The following RBMS3 variants were observed in gnomAD, a reference collection of about 807,000 sequenced individuals.
The protein encoded by RBMS3 is RNA binding motif single stranded interacting protein 3.
In RBMS3, 27 loss-of-function variants were observed where a neutral mutation model predicts 66.8. That is an observed-to-expected ratio of 0.40 (90% CI 0.30 to 0.56). The LOEUF (loss-of-function observed/expected upper bound fraction) is 0.56, where lower values mean the gene tolerates loss of function less well. Among genes scored for constraint, RBMS3 ranks in the 20% least tolerant of loss-of-function variants. The pLI, the probability that RBMS3 is intolerant of heterozygous loss-of-function variation, is 0.40. For synonymous variants in RBMS3, 188 were observed against 183.0 expected (o/e 1.03, Z -0.22); for missense variants, 513 against 549.5 (o/e 0.93, Z 0.66).
At chr3:29,984,169 A>G (rs921203525) in intron 12 of RBMS3, among the ~76,000 whole-genome samples, 1 of 151,468 alleles carries the variant, frequency 6.6e-6, no homozygotes, top group African/African-American at 2.4e-5. Flanking sequence ...TTGATCTTCA[A>G]TCTCTCATAT....
At chr3:29,852,113 C>G (rs970594956) in intron 6 of RBMS3, among the ~76,000 whole-genome samples, 1 of 152,116 alleles carries the variant, frequency 6.6e-6, no homozygotes, top group South Asian at 2.1e-4. Flanking sequence ...GTTTTGATAA[C>G]TAGCTTAGCC....
At chr3:29,476,885 T>C (rs2042967187) in intron 2 of RBMS3, among the ~76,000 whole-genome samples, 1 of 152,202 alleles carries the variant, frequency 6.6e-6, no homozygotes, top group Non-Finnish European at 1.5e-5. Flanking sequence ...GAAATGCAAT[T>C]TGAGTGTTAC....
At chr3:29,522,784 A>G (rs1425610922) in intron 3 of RBMS3, among the ~76,000 whole-genome samples, 1 of 152,114 alleles carries the variant, frequency 6.6e-6, no homozygotes, top group Non-Finnish European at 1.5e-5. Flanking sequence ...AGGAGTCTGG[A>G]AAAGGTAGAT....
chr3:29,649,366 C>T (rs2050062102), intron 4 of RBMS3, among the ~76,000 whole-genome samples: 1 of 152,184 alleles, frequency 6.6e-6, no homozygotes, highest in Non-Finnish European at 1.5e-5. Context: ...TTTATCATCA[C>T]ATTTCAGGCT....
intron 1 of RBMS3, among the ~76,000 whole-genome samples, chr3:29,364,823 T>A (rs2037806255): frequency 6.6e-6 from 1 of 152,150 alleles, no homozygotes; most frequent in Non-Finnish European, 1.5e-5. Context: ...CTTTTCCATT[T>A]TCTTATAGCT....
intron 4 of RBMS3, among the ~76,000 whole-genome samples, chr3:29,589,283 A>G (rs2047643130): frequency 6.6e-6 from 1 of 151,736 alleles, no homozygotes; most frequent in Non-Finnish European, 1.5e-5. Context: ...CTGATATCTC[A>G]CCTAGTCAGA....
intron 3 of RBMS3, among the ~76,000 whole-genome samples, chr3:29,516,856 G>A (rs2044646651): frequency 6.6e-6 from 1 of 152,148 alleles, no homozygotes; most frequent in Admixed American, 6.5e-5. Context: ...GAAAGGAGAT[G>A]TTGAGTTAGC....
chr3:29,420,928 C>G (rs1327731498), intron 1 of RBMS3, among the ~76,000 whole-genome samples: 1 of 147,670 alleles, frequency 6.8e-6, no homozygotes, highest in African/African-American at 2.6e-5. Flanking sequence ...CACGGTGAAA[C>G]CCCGTCTCTA....
At chr3:29,949,296 T>G (rs1172167464) in intron 12 of RBMS3, among the ~76,000 whole-genome samples, 1 of 151,698 alleles carries the variant, frequency 6.6e-6, no homozygotes, top group Non-Finnish European at 1.5e-5. Context: ...AAGTTCCAGA[T>G]AGTAAATATT....
intron 2 of RBMS3, among the ~76,000 whole-genome samples, chr3:29,479,554 G>C (rs201647193): frequency 0.072 from 10,933 of 151,858 alleles, 467 homozygotes; most frequent in East Asian, 0.16. Context: ...TAAAGTACTG[G>C]GTGCTTTCAT....
At chr3:29,524,433 T>C (rs2044996531) in intron 3 of RBMS3, among the ~76,000 whole-genome samples, 1 of 138,926 alleles carries the variant, frequency 7.2e-6, no homozygotes, top group East Asian at 2.2e-4. Flanking sequence ...TTTTTTTTTT[T>C]TTTTTTTTTT....
At chr3:29,891,704 A>G (rs1043181282) in intron 8 of RBMS3, among the ~76,000 whole-genome samples, 4 of 151,540 alleles carry the variant, frequency 2.6e-5, no homozygotes, top group African/African-American at 9.7e-5. Context: ...GGAGACGTGA[A>G]AAAGAATGTT....
At chr3:29,483,577 G>A (rs1561375) in intron 2 of RBMS3, among the ~76,000 whole-genome samples, 104,404 of 151,906 alleles carry the variant, frequency 0.69, 36,302 homozygotes, top group African/African-American at 0.77. Flanking sequence ...TCTGCTGCCC[G>A]TTAAACATGG....
At chr3:29,797,675 T>C (rs1341901929) in intron 6 of RBMS3, 1 of 152,180 alleles carries the variant, frequency 6.6e-6, no homozygotes, top group African/African-American at 2.4e-5. Context: ...GGGAAGTGTA[T>C]ATTTAAAGCT....
Position 29,490,161 on chromosome 3 carries a change from A to T in RBMS3, c.307+1662A>T, listed in dbSNP as rs1559405907. Reference sequence around the variant, plus strand: ...TAAATTTAAAATTTAATTTAAAATTAAATTTAATTTAAAATTAAAATTTAA... The same window carrying T: ...TAAATTTAAAATTTAATTTAAAATTTAATTTAATTTAAAATTAAAATTTAA... On this transcript the variant is annotated intron_variant, in intron 3 of 14. Transcript: ENST00000383767. Among the ~76,000 whole-genome samples, 7 of 148,858 alleles carry T rather than the reference A, an allele frequency of 4.7e-5. No individual in the cohort carries two copies. The South Asian group carries it at 1.3e-3, about 27-fold the overall frequency.
chr3:29,281,585 C>T lies in RBMS3; in HGVS notation c.-97C>T, dbSNP rs769631961. On this transcript the variant is annotated 5_prime_UTR_variant, in exon 1 of 15. Transcript: ENST00000383767. The stretch of plus-strand genomic sequence containing the variant: ...GAGTCTCTGAAGCCTCATCAGTCAC[C>T]GGGACTGTCAGGAATAGTGGTTTAA... The T allele has an allele frequency of 3.7e-5, 35 of 935,742 alleles. No individual in the cohort carries two copies. The highest frequency in any genetic ancestry group is 5.7e-5 in the Non-Finnish European group (33 of 579,732). The allele number at this position is 935,742 out of a possible 1,614,324, so 58.0% of individuals were successfully genotyped here. A position where few individuals can be genotyped will look rare whatever the true frequency, so the allele number is the denominator to read the frequency against.
intron 6 of RBMS3, among the ~76,000 whole-genome samples, chr3:29,836,690 T>C (rs959216693): frequency 3.3e-5 from 5 of 151,900 alleles, no homozygotes; most frequent in Admixed American, 6.6e-5. Flanking sequence ...GCTGAGAATG[T>C]AGATTTTTCA....
chr3:29,499,366 A>G (rs1260864004), intron 3 of RBMS3, among the ~76,000 whole-genome samples: 1 of 152,114 alleles, frequency 6.6e-6, no homozygotes, highest in African/African-American at 2.4e-5. Context: ...AAAGAGAAAA[A>G]CTCATGTACA....
Position 29,589,545 on chromosome 3 carries a change from C to T in RBMS3, c.399+2340C>T, listed in dbSNP as rs990078325. Among the ~76,000 whole-genome samples, 17 of 152,190 alleles carry T rather than the reference C, an allele frequency of 1.1e-4. No individual in the cohort carries two copies. In the South Asian group the frequency reaches 3.3e-3, roughly 30 times the overall value. On this transcript the variant is annotated intron_variant, in intron 4 of 14. Coordinates refer to ENST00000383767, the MANE Select transcript of RBMS3 (RefSeq NM_001003793.3). ...CTGGAAAACTTTCAGCAATGAATGA[C>T]TCTGTAATTTAACTATCTATAAGAA...
Sources: allele counts gnomAD v4.1 joint callset (sites outside exome capture counted in the v4.1 genomes callset), GRCh38; gene constraint gnomAD v4.1.1; transcripts MANE v1.5; gene names NCBI Gene and HGNC (gene_info 2026-07-23, HGNC 2026-07-21).